Variants in MOB4 observed in about 807,000 individuals in gnomAD.
MOB4 encodes MOB-like protein phocein.
In MOB4, 4 loss-of-function variants were observed where a neutral mutation model predicts 32.2. The ratio of observed to expected loss-of-function variants is 0.12; its 90% CI spans 0.06 to 0.28. The LOEUF (loss-of-function observed/expected upper bound fraction) is 0.28, where lower values mean the gene tolerates loss of function less well. Among genes scored for constraint, MOB4 ranks in the 10% least tolerant of loss-of-function variants. The pLI is 1.00. For synonymous variants in MOB4, 88 were observed against 88.1 expected, an observed-to-expected ratio of 1.00 and a Z score of 0.01; for missense variants, 158 against 271.2, an observed-to-expected ratio of 0.58 and a Z score of 2.93.
intron 2 of MOB4, among the ~76,000 whole-genome samples, chr2:197,528,604 CTTTTTCTTTT>C (rs2086646693): frequency 6.8e-6 from 1 of 146,766 alleles, no homozygotes; most frequent in African/African-American, 2.5e-5. Flanking sequence ...TTTTCTTTTT[CTTTTTCTTTT>C]TCTTTTTTTT....
At chr2:197,525,316 C>T (rs981222043) in intron 2 of MOB4, among the ~76,000 whole-genome samples, 11 of 150,974 alleles carry the variant, frequency 7.3e-5, no homozygotes, top group African/African-American at 2.7e-4. Flanking sequence ...CCACTGCACT[C>T]CAGCTTGGGG....
chr2:197,548,591 T>C (rs2087039214), intron 6 of MOB4, among the ~76,000 whole-genome samples, 176 bp downstream of exon 6: 2 of 152,154 alleles, frequency 1.3e-5, no homozygotes, highest in Non-Finnish European at 2.9e-5. Flanking sequence ...AACCTGCACG[T>C]TGTGCACATG....
chr2:197,526,551 C>T (rs550510686), intron 2 of MOB4, among the ~76,000 whole-genome samples: 86 of 152,256 alleles, frequency 5.6e-4, no homozygotes, highest in Non-Finnish European at 1.1e-3. Context: ...CTCCAGACCT[C>T]GTGATCTACC....
chr2:197,549,321 T>C (rs191898600), intron 6 of MOB4, among the ~76,000 whole-genome samples: 38 of 152,292 alleles, frequency 2.5e-4, no homozygotes, highest in Admixed American at 1.7e-3. Flanking sequence ...ACATGTAATA[T>C]ATTATCGGTG....
At chr2:197,541,941 AAT>A (rs1385700945) in intron 5 of MOB4, among the ~76,000 whole-genome samples, 1 of 152,186 alleles carries the variant, frequency 6.6e-6, no homozygotes, top group Non-Finnish European at 1.5e-5. Flanking sequence ...AAATAAAAAA[AAT>A]AAAAAGATTG....
intron 1 of MOB4, among the ~76,000 whole-genome samples, chr2:197,523,115 GT>G (rs1201984845): frequency 6.6e-6 from 1 of 150,766 alleles, no homozygotes; most frequent in African/African-American, 2.4e-5. Flanking sequence ...GGTGTCTGGA[GT>G]TTTTTTTTCA....
At chr2:197,543,252 C>T (rs1366725880) in intron 5 of MOB4, among the ~76,000 whole-genome samples, 1 of 152,062 alleles carries the variant, frequency 6.6e-6, no homozygotes, top group African/African-American at 2.4e-5. Flanking sequence ...AAAGATCACA[C>T]CACTACACTC....
At chr2:197,546,758 CG>C (rs1255421382) in intron 5 of MOB4, among the ~76,000 whole-genome samples, 1 of 152,120 alleles carries the variant, frequency 6.6e-6, no homozygotes, top group African/African-American at 2.4e-5. Flanking sequence ...TGAACAACTC[CG>C]GGATTGGGAT....
At chr2:197,549,859 TAAAAAAAAAAAAA>T (rs573507195) in intron 6 of MOB4, among the ~76,000 whole-genome samples, 1 of 85,080 alleles carries the variant, frequency 1.2e-5, no homozygotes, top group African/African-American at 4.2e-5. Context: ...CCTTAATTTC[TAAAAAAAAAAAAA>T]AAAAAAAGAA....
intron 5 of MOB4, among the ~76,000 whole-genome samples, chr2:197,543,625 T>G (rs2086937917): frequency 6.6e-6 from 1 of 152,352 alleles, no homozygotes; most frequent in Admixed American, 6.5e-5. Context: ...GGACAGATAC[T>G]GTAGCATTCC....
At position 197,528,853 on chromosome 2, in the gene MOB4, G is replaced by A. The variant is rs1279092128; in HGVS notation, c.123+5167G>A. On this transcript the variant is annotated intron_variant, in intron 2 of 7. Transcript: ENST00000323303. ...AGGATGGTCTCAATCTCCTGACCTC[G>A]TGATCTGCCCGCCTCGGCTTCCCAA... is the stretch of plus-strand genomic sequence containing the variant. Among the ~76,000 whole-genome samples, 7 of 152,040 alleles carry A rather than the reference G, an allele frequency of 4.6e-5. No individual in the cohort carries two copies. In the East Asian group the frequency reaches 5.8e-4, roughly 13 times the overall value.
chr2:197,524,569 A>G (rs1445550135), intron 2 of MOB4, among the ~76,000 whole-genome samples: 3 of 151,954 alleles, frequency 2.0e-5, no homozygotes, highest in Admixed American at 6.6e-5. Context: ...ACAAAAATAC[A>G]ATTTCATTAA....
intron 2 of MOB4, among the ~76,000 whole-genome samples, chr2:197,528,023 G>A (rs1281115682): frequency 1.3e-5 from 2 of 151,694 alleles, no homozygotes; most frequent in Non-Finnish European, 2.9e-5. Flanking sequence ...TTCATGATTT[G>A]ACATACCTAT....
At chr2:197,534,434 C>T (rs1281281814) in intron 2 of MOB4, among the ~76,000 whole-genome samples, 1 of 152,016 alleles carries the variant, frequency 6.6e-6, no homozygotes, top group African/African-American at 2.4e-5. Flanking sequence ...TCATTTAAAA[C>T]AACTTTTATT....
intron 1 of MOB4, among the ~76,000 whole-genome samples, chr2:197,518,592 T>G (rs2086458460): frequency 6.7e-6 from 1 of 150,132 alleles, no homozygotes. Context: ...AGGCAGAGTC[T>G]CGTTCTGTCG....
chr2:197,524,530 C>CA (rs58552334), intron 2 of MOB4, among the ~76,000 whole-genome samples: 2,034 of 108,848 alleles, frequency 0.019, 20 homozygotes, highest in South Asian at 0.031. Flanking sequence ...GACTCTGTCT[C>CA]AAAAAAAAAA....
At chr2:197,519,398 C>G (rs192034671) in intron 1 of MOB4, among the ~76,000 whole-genome samples, 18 of 152,256 alleles carry the variant, frequency 1.2e-4, no homozygotes, top group African/African-American at 4.3e-4. Context: ...GTACCCCCAC[C>G]CCATACCAAA....
intron 1 of MOB4, among the ~76,000 whole-genome samples, chr2:197,517,658 T>C (rs994138733): frequency 4.6e-5 from 7 of 152,182 alleles, no homozygotes; most frequent in Admixed American, 3.3e-4. Flanking sequence ...TTTCACATTG[T>C]CATGGATCAA....
intron 1 of MOB4, among the ~76,000 whole-genome samples, chr2:197,520,935 A>G (rs1053943005): frequency 6.6e-6 from 1 of 150,416 alleles, no homozygotes; most frequent in Non-Finnish European, 1.5e-5. Context: ...AAATAAAAAT[A>G]TTCCCTTTAA....
Sources: gnomAD v4.1 joint callset for allele counts (sites outside exome capture counted in the v4.1 genomes callset) on GRCh38, gnomAD v4.1.1 for gene constraint, MANE v1.5 for transcripts, NCBI Gene and HGNC (gene_info 2026-07-23, HGNC 2026-07-21) for gene names.